CCNL2: variants seen among roughly 807,000 people sequenced by gnomAD.
The protein encoded by CCNL2 is cyclin L2.
Under a neutral mutation model 59.1 loss-of-function variants are expected in CCNL2, and 28 were observed. The observed-to-expected ratio is 0.47, with a 90% CI of 0.35 to 0.65. CCNL2 has a LOEUF of 0.65. Ranked by LOEUF, CCNL2 falls within the 30% of genes least tolerant of loss-of-function variation. CCNL2 has a pLI of 0.00. For missense variants in CCNL2, 714 were observed against 717.4 expected (o/e 1.00, Z 0.05); for synonymous variants, 342 against 288.6 (o/e 1.19, Z -1.88).
intron 5 of CCNL2, chr1:1,391,268 A>C: frequency 9.0e-7 from 1 of 1,107,518 alleles, no homozygotes; most frequent in Non-Finnish European, 1.1e-6. Flanking sequence ...TAAATGCTCA[A>C]AATCCATAGT....
chr1:1,388,145 C>A, intron 8 of CCNL2, 80 bp from the exon 9 acceptor site: 3 of 1,154,572 alleles, frequency 2.6e-6, no homozygotes, highest in East Asian at 2.3e-5. Flanking sequence ...CGAGATAAGG[C>A]CCCTCTACAG....
intron 4 of CCNL2, 82 bp from the exon 5 acceptor site, chr1:1,393,542 C>G (rs1358315009): frequency 8.3e-7 from 1 of 1,201,076 alleles, no homozygotes; most frequent in African/African-American, 1.5e-5. Context: ...ATGCAGCAAA[C>G]AAGAGCCTCA....
At chr1:1,398,945 C>T (rs974900215) in intron 1 of CCNL2, 74 bp downstream of exon 1, 22 of 1,481,360 alleles carry the variant, frequency 1.5e-5, no homozygotes, top group Non-Finnish European at 2.0e-5. Flanking sequence ...CGGTGCGGGC[C>T]CGACTCGCCG....
Position 1,399,201 on chromosome 1 carries a change from G to A in CCNL2, c.106C>T (p.Leu36=), listed in dbSNP as rs751762065. 1.8e-5 allele frequency: 29 copies of A among 1,607,716 alleles called. No homozygotes were observed. The South Asian group carries it at 2.8e-4, about 15-fold the overall frequency. ...GGAPSGSQGV[L]IGDRLYSGVL... ...CCGGAGTACAGCCTGTCCCCGATCA[G>A]CACCCCCTGCGACCCTGAGGGTGCG... The change falls in exon 1 of 11, where the codon CTG becomes TTG. Residue 36 remains leucine (L), a synonymous_variant. Transcript: ENST00000400809.
intron 4 of CCNL2, 132 bp downstream of exon 4, chr1:1,395,262 T>C (rs1167359942): frequency 3.4e-6 from 3 of 884,600 alleles, no homozygotes; most frequent in Non-Finnish European, 5.1e-6. Flanking sequence ...AGATTATAAA[T>C]AGAAACTGGA....
chr1:1,386,059 C>T lies in CCNL2; in HGVS notation c.*1172G>A, dbSNP rs992279324. On this transcript the variant is annotated 3_prime_UTR_variant, in exon 11 of 11. Coordinates refer to ENST00000400809, the MANE Select transcript of CCNL2 (RefSeq NM_030937.6). Reference sequence around the variant, plus strand: ...ACGGTACCACCAGGAGTGGGGCCCCCTAGTCCCCAAAACCAAAACTGTGTC... The same window carrying T: ...ACGGTACCACCAGGAGTGGGGCCCCTTAGTCCCCAAAACCAAAACTGTGTC... 12 of 152,386 alleles carry T rather than the reference C, an allele frequency of 7.9e-5. No homozygotes were observed. Among genetic ancestry groups the T allele is most frequent in the Admixed American group, 7.2e-4 (11 of 15,306 alleles). 9.4% of individuals were successfully genotyped at this position (152,386 alleles called of 1,614,324 possible).
In CCNL2 at chr1:1,386,158, A is replaced by G. The variant is rs1024990220; in HGVS notation, c.*1073T>C. The stretch of plus-strand genomic sequence containing the variant: ...GCCACCCCCGTGGGGTGACCCTCCA[A>G]GTGTCCTGCTCCCAGCTGCCTCTCT... On this transcript the variant is annotated 3_prime_UTR_variant, in exon 11 of 11. Coordinates refer to ENST00000400809, the MANE Select transcript of CCNL2 (RefSeq NM_030937.6). 2 of 152,244 alleles carry G rather than the reference A, an allele frequency of 1.3e-5. No individual in the cohort carries two copies. Among genetic ancestry groups the G allele is most frequent in the African/African-American group, 4.8e-5 (2 of 41,462 alleles). The allele number at this position is 152,244 out of a possible 1,614,324, so 9.4% of individuals were successfully genotyped here.
At chr1:1,393,839 AC>A (rs1356120725) in intron 4 of CCNL2, among the ~76,000 whole-genome samples, 1 of 152,240 alleles carries the variant, frequency 6.6e-6, no homozygotes, top group African/African-American at 2.4e-5. Context: ...AGAGAAGAAC[AC>A]TTCAGGCCAG....
chr1:1,391,222 A>G, intron 5 of CCNL2: 1 of 1,113,398 alleles, frequency 9.0e-7, no homozygotes, highest in Non-Finnish European at 1.1e-6. Context: ...GAAAATGTCT[A>G]CTGGAGTCAC....
rs1645240088 is a variant in CCNL2 at position 1,399,284 on chromosome 1, G to A, written c.23C>T (p.Ala8Val). The change falls in exon 1 of 11, where the codon GCT becomes GTT. Residue 8 changes from alanine to valine, a missense_variant. Physicochemically the swap from Ala to Val is moderately conservative, Grantham distance 64. Transcript: ENST00000400809. ...GGGAGCTGCCGACCCTGCAGCACCA[G>A]CCGCCGCCGCCGCCGCCGCCATTTT... MAAAAAA[A>V]GAAGSAAPAA... 7.0e-7 allele frequency: 1 copy of A among 1,425,208 alleles called. No individual in the cohort carries two copies. Among genetic ancestry groups the A allele is most frequent in the African/African-American group, 1.5e-5 (1 of 66,034 alleles). 88.3% of individuals were successfully genotyped at this position (1,425,208 alleles called of 1,614,324 possible).
intron 4 of CCNL2, 125 bp downstream of exon 4, chr1:1,395,269 T>G (rs1644956010): frequency 2.0e-6 from 2 of 1,002,008 alleles, no homozygotes; most frequent in Non-Finnish European, 2.9e-6. Flanking sequence ...AAATAGAAAC[T>G]GGAAAGCCAA....
In CCNL2 at chr1:1,390,582, T is replaced by C; in HGVS notation, c.760-19A>G. 6.3e-7 allele frequency: 1 copy of C among 1,589,068 alleles called. No homozygotes were observed. The highest frequency in any genetic ancestry group is 8.6e-7 in the Non-Finnish European group (1 of 1,159,458). On this transcript the variant is annotated intron_variant, in intron 6 of 10. Transcript: ENST00000400809. Reference sequence around the variant, plus strand: ...AAGGGATCTGTAAAAACAAACACTATCATCATTACACTTTCCTCAACTTCA... The same window carrying C: ...AAGGGATCTGTAAAAACAAACACTACCATCATTACACTTTCCTCAACTTCA...
In CCNL2 at chr1:1,398,502, G is replaced by T. The variant is rs1645177556; in HGVS notation, c.363+95C>A. 2.5e-6 allele frequency: 4 copies of T among 1,571,668 alleles called. No homozygotes were observed. The South Asian group carries it at 4.5e-5, about 18-fold the overall frequency. On this transcript the variant is annotated intron_variant, in intron 2 of 10. Transcript: ENST00000400809. The stretch of plus-strand genomic sequence containing the variant: ...CTCCGGCACAGAGCTCAGACTGGGG[G>T]GCAAGTACTCACTCCCTTAGTAACC...
At chr1:1,395,625 A>T (rs946807052) in intron 3 of CCNL2, 111 bp from the exon 4 acceptor site, 5 of 1,442,036 alleles carry the variant, frequency 3.5e-6, no homozygotes, top group Non-Finnish European at 4.7e-6. Flanking sequence ...ACAACACAAC[A>T]TCGCTATGAA....
rs1644572017 is a variant in CCNL2, at chr1:1,388,338, T to C, written c.1007-273A>G. On this transcript the variant is annotated intron_variant, in intron 8 of 10. Coordinates refer to ENST00000400809, the MANE Select transcript of CCNL2 (RefSeq NM_030937.6). ...TACATTGAGACCATCCTGCCCAACA[T>C]GGTGAAACCCCATCTCTACTAAAAC... 65 of 438,562 alleles carry C rather than the reference T, an allele frequency of 1.5e-4. 3 individuals carry two copies. Among genetic ancestry groups the C allele is most frequent in the South Asian group, 1.3e-3 (62 of 47,612 alleles). The allele number at this position is 438,562 out of a possible 1,614,324, so 27.2% of individuals were successfully genotyped here.
intron 3 of CCNL2, among the ~76,000 whole-genome samples, chr1:1,396,212 G>A (rs61767980): frequency 6.7e-6 from 1 of 149,670 alleles, no homozygotes; most frequent in Non-Finnish European, 1.5e-5. Flanking sequence ...AAAAAAAAGG[G>A]CTGGGTGCAG....
At chr1:1,397,177 C>T (rs186411221) in intron 3 of CCNL2, among the ~76,000 whole-genome samples, 28 of 152,332 alleles carry the variant, frequency 1.8e-4, no homozygotes, top group Non-Finnish European at 3.4e-4. Context: ...CGGCCAGAGG[C>T]TGTGTTTTCT....
At chr1:1,392,469 T>G (rs958747526) in intron 5 of CCNL2, 19 of 1,230,938 alleles carry the variant, frequency 1.5e-5, no homozygotes, top group Non-Finnish European at 5.1e-6. Flanking sequence ...GTCTCTTCAA[T>G]TCTCACAGCT....
rs1428147050 is a variant in CCNL2 at position 1,399,181 on chromosome 1, G to A, written c.126C>T (p.Tyr42=). 4 of 1,610,662 alleles carry A rather than the reference G, an allele frequency of 2.5e-6. No homozygotes were observed. The highest frequency in any genetic ancestry group is 1.7e-5 in the Admixed American group (1 of 59,892). Residue 42 remains tyrosine, a synonymous_variant, in exon 1 of 11, where the codon TAC becomes TAT. Transcript: ENST00000400809. ...SQGVLIGDRL[Y]SGVLITLENC... ...TCTCCAAGGTGATGAGCACCCCGGA[G>A]TACAGCCTGTCCCCGATCAGCACCC...
Sources: allele counts gnomAD v4.1 joint callset (sites outside exome capture counted in the v4.1 genomes callset), GRCh38; gene constraint gnomAD v4.1.1; transcripts MANE v1.5; gene names NCBI Gene and HGNC (gene_info 2026-07-23, HGNC 2026-07-21).